Variants in PTGER3 observed in about 807,000 individuals in gnomAD.
PTGER3 encodes the protein prostaglandin E receptor 3.
Under a neutral mutation model 34.7 loss-of-function variants are expected in PTGER3, and 22 were observed. That is an observed-to-expected ratio of 0.63 (90% CI 0.45 to 0.91). PTGER3 has a LOEUF of 0.91. Ranked by LOEUF, PTGER3 falls within the 40% of genes least tolerant of loss-of-function variation. The pLI is 0.00. For synonymous variants in PTGER3, 241 were observed against 230.1 expected, an observed-to-expected ratio of 1.05 and a Z score of -0.43; for missense variants, 468 against 519.4, an observed-to-expected ratio of 0.90 and a Z score of 0.96.
intron 4 of PTGER3, among the ~76,000 whole-genome samples, chr1:70,862,772 AG>A (rs1042776199): frequency 6.6e-6 from 1 of 152,176 alleles, no homozygotes; most frequent in African/African-American, 2.4e-5. Context: ...AGAATGAGAC[AG>A]GAAAGCTTAC....
intron 2 of PTGER3, chr1:71,007,383 G>C (rs1232595217): frequency 1.0e-6 from 1 of 985,656 alleles, no homozygotes; most frequent in Admixed American, 6.2e-5. Context: ...AGGAAGAGTT[G>C]GGAAGGAAGA....
chr1:70,950,723 TA>T (rs1263528812), downstream of PTGER3: 8 of 152,184 alleles, frequency 5.3e-5, no homozygotes, highest in Admixed American at 1.3e-4. Flanking sequence ...CTTTTTATTT[TA>T]TTTTTTTTAG....
chr1:70,925,816 T>G (rs528141199), intron 4 of PTGER3, among the ~76,000 whole-genome samples: 2 of 152,278 alleles, frequency 1.3e-5, no homozygotes, highest in African/African-American at 4.8e-5. Context: ...CTGGCAATGT[T>G]CTAGGATGTA....
intron 4 of PTGER3, among the ~76,000 whole-genome samples, chr1:70,909,744 CAG>C (rs887080175): frequency 2.9e-4 from 44 of 152,282 alleles, no homozygotes; most frequent in African/African-American, 9.6e-4. Flanking sequence ...TATTTTTCTG[CAG>C]AGTCTTTATA....
intron 4 of PTGER3, among the ~76,000 whole-genome samples, chr1:70,867,513 G>A (rs748917131): frequency 2.0e-5 from 3 of 152,140 alleles, no homozygotes; most frequent in Non-Finnish European, 2.9e-5. Context: ...TTGAGGTCAG[G>A]AATTCGAGAC....
chr1:71,007,502 C>A, intron 2 of PTGER3: 2 of 985,386 alleles, frequency 2.0e-6, no homozygotes, highest in Non-Finnish European at 2.4e-6. Flanking sequence ...AAGATAAATG[C>A]AGTCGGTCCC....
At chr1:70,889,555 A>G (rs777890685) in intron 4 of PTGER3, among the ~76,000 whole-genome samples, 3 of 152,166 alleles carry the variant, frequency 2.0e-5, no homozygotes, top group Non-Finnish European at 4.4e-5. Context: ...AAAATTACAT[A>G]TAAATATTAC....
Position 71,008,761 on chromosome 1 carries a change from A to G in PTGER3, c.1077+3544T>C, listed in dbSNP as rs919445354. The G allele has an allele frequency of 1.1e-5, 11 of 965,150 alleles. No individual in the cohort carries two copies. The Admixed American group carries it at 6.8e-4, about 60-fold the overall frequency. The allele number at this position is 965,150 out of a possible 1,614,324, so 59.8% of individuals were successfully genotyped here. On this transcript the variant is annotated intron_variant, in intron 2 of 3. Coordinates refer to ENST00000306666, the MANE Select transcript of PTGER3 (RefSeq NM_198719.2). The stretch of plus-strand genomic sequence containing the variant: ...ATGTAAACATATAAAACAAGCAATA[A>G]ACAAGCAGCTGTGAAAATTTGTCAT...
At chr1:70,880,568 T>C (rs1442401547) in intron 4 of PTGER3, among the ~76,000 whole-genome samples, 1 of 151,514 alleles carries the variant, frequency 6.6e-6, no homozygotes. Flanking sequence ...CGGGCACCTG[T>C]AATCCCAGCT....
intron 4 of PTGER3, among the ~76,000 whole-genome samples, chr1:70,929,410 T>C (rs769499199): frequency 3.3e-5 from 5 of 152,006 alleles, no homozygotes; most frequent in South Asian, 2.1e-4. Flanking sequence ...ATGGAGAGAA[T>C]AGAAAAATAA....
downstream of PTGER3, among the ~76,000 whole-genome samples, chr1:70,968,706 G>C (rs1652786721): frequency 6.6e-6 from 1 of 151,338 alleles, no homozygotes; most frequent in Admixed American, 6.6e-5. Flanking sequence ...AAAAACTAAA[G>C]TAGTTTTTTA....
chr1:70,880,495 G>GA (rs1646366549), intron 4 of PTGER3, among the ~76,000 whole-genome samples: 1 of 151,058 alleles, frequency 6.6e-6, no homozygotes, highest in African/African-American at 2.4e-5. Context: ...TTCGAGACCA[G>GA]CCTGGCCAAC....
At position 71,047,738 on chromosome 1, in the gene PTGER3, G is replaced by A. The variant is rs1010074373; in HGVS notation, c.-161C>T. 5 of 664,690 alleles carry A rather than the reference G, an allele frequency of 7.5e-6. No individual in the cohort carries two copies. The highest frequency in any genetic ancestry group is 1.1e-5 in the Non-Finnish European group (5 of 472,720). 41.2% of individuals were successfully genotyped at this position (664,690 alleles called of 1,614,324 possible). ...GCCGCCCTACTCCGCTGCTGGGACC[G>A]CGGCCGCGGCGGCGCCAGGGCTCAC... On this transcript the variant is annotated 5_prime_UTR_variant, in exon 1 of 4. Coordinates refer to ENST00000306666, the MANE Select transcript of PTGER3 (RefSeq NM_198719.2).
chr1:71,001,022 C>T (rs917158443), intron 2 of PTGER3, among the ~76,000 whole-genome samples: 2 of 152,006 alleles, frequency 1.3e-5, no homozygotes, highest in East Asian at 3.9e-4. Context: ...ATTATGGTGT[C>T]ATATGCTAGA....
intron 4 of PTGER3, among the ~76,000 whole-genome samples, chr1:70,880,540 A>G (rs1646368183): frequency 6.6e-6 from 1 of 151,904 alleles, no homozygotes; most frequent in African/African-American, 2.4e-5. Flanking sequence ...AAATAAAAAA[A>G]TTAGCCAGGC....
chr1:70,940,251 G>A (rs532362071), intron 4 of PTGER3, among the ~76,000 whole-genome samples: 44 of 152,110 alleles, frequency 2.9e-4, no homozygotes, highest in African/African-American at 9.2e-4. Flanking sequence ...CCTCAGCCTC[G>A]ACCTTATTTT....
chr1:70,886,916 C>T (rs1219618739), intron 4 of PTGER3, among the ~76,000 whole-genome samples: 2 of 152,176 alleles, frequency 1.3e-5, no homozygotes, highest in Non-Finnish European at 2.9e-5. Flanking sequence ...TTCTTAAATA[C>T]TTCTCCTCAC....
chr1:70,916,385 T>C (rs1647175744), intron 4 of PTGER3, among the ~76,000 whole-genome samples: 1 of 152,070 alleles, frequency 6.6e-6, no homozygotes, highest in South Asian at 2.1e-4. Context: ...ACTGGGTACA[T>C]ACTCAAAGGA....
intron 2 of PTGER3, among the ~76,000 whole-genome samples, chr1:71,000,282 T>C (rs1236637803): frequency 6.6e-6 from 1 of 152,236 alleles, no homozygotes; most frequent in African/African-American, 2.4e-5. Context: ...AAGTGACTTT[T>C]CTTCCACAAA....
Sources: allele counts gnomAD v4.1 joint callset (sites outside exome capture counted in the v4.1 genomes callset), GRCh38; gene constraint gnomAD v4.1.1; transcripts MANE v1.5; gene names NCBI Gene and HGNC (gene_info 2026-07-23, HGNC 2026-07-21).